THEM5: variants seen among roughly 807,000 people sequenced by gnomAD.
The protein encoded by THEM5 is acyl-coenzyme A thioesterase THEM5.
Under a neutral mutation model 24.2 loss-of-function variants are expected in THEM5, and 28 were observed. The observed-to-expected ratio is 1.16, with a 90% CI of 0.86 to 1.59. The LOEUF is 1.59. Ranked by LOEUF, THEM5 falls within the 40% of genes most tolerant of loss-of-function variation. The pLI, the probability that THEM5 is intolerant of heterozygous loss-of-function variation, is 0.00. For missense variants in THEM5, 260 were observed against 296.8 expected, an observed-to-expected ratio of 0.88 and a Z score of 0.91; for synonymous variants, 87 against 114.5, an observed-to-expected ratio of 0.76 and a Z score of 1.53.
chr1:151,847,994 T>C (rs1652994794), intron 4 of THEM5, 132 bp from the exon 5 acceptor site: 1 of 1,497,836 alleles, frequency 6.7e-7, no homozygotes, highest in South Asian at 1.3e-5. Flanking sequence ...GCTCAGGGCC[T>C]TTTTGTCAGC....
Position 151,848,192 on chromosome 1 carries a change from T to C in THEM5, c.565A>G (p.Arg189Gly), listed in dbSNP as rs2101697473. ...EGLFTLSLNIRFKNLIPVDSL... is the reference protein window; with the variant it reads ...EGLFTLSLNIGFKNLIPVDSL... ...GGGGCCCATACTTACTTTTTGAACC[T>C]GATGTTGAGACTTAGTGTGAACAGC... is the stretch of plus-strand genomic sequence containing the variant. Residue 189 changes from arginine to glycine, a missense_variant, in exon 4 of 6, where the codon AGG becomes GGG. Coordinates refer to ENST00000368817, the MANE Select transcript of THEM5 (RefSeq NM_182578.4). The C allele has an allele frequency of 1.2e-6, 2 of 1,614,186 alleles. No individual in the cohort carries two copies. Among genetic ancestry groups the C allele is most frequent in the South Asian group, 1.1e-5 (1 of 91,090 alleles).
Position 151,851,047 on chromosome 1 carries a change from C to T in THEM5, c.464+6G>A. 8 of 1,614,068 alleles carry T rather than the reference C, an allele frequency of 5.0e-6. No individual in the cohort carries two copies. The highest frequency in any genetic ancestry group is 6.8e-6 in the Non-Finnish European group (8 of 1,179,980). On this transcript the variant is annotated splice_donor_region_variant and intron_variant, in intron 3 of 5. Coordinates refer to ENST00000368817, the MANE Select transcript of THEM5 (RefSeq NM_182578.4). Reference sequence around the variant, plus strand: ...GAGGCAGCCAAGGTCCTACCAGTGACCTTACCCTGGGGGCCCCTCCAGGTA... The same window carrying T: ...GAGGCAGCCAAGGTCCTACCAGTGATCTTACCCTGGGGGCCCCTCCAGGTA...
chr1:151,848,832 C>T (rs766799453), intron 3 of THEM5, among the ~76,000 whole-genome samples: 7 of 152,236 alleles, frequency 4.6e-5, no homozygotes, highest in Non-Finnish European at 8.8e-5. Flanking sequence ...TTCTGAGCAG[C>T]GTTGCCACAG....
chr1:151,847,304 G>A lies in THEM5; in HGVS notation c.*67C>T, dbSNP rs1261448903. The A allele has an allele frequency of 9.3e-7, 1 of 1,076,628 alleles. No individual in the cohort carries two copies. The highest frequency in any genetic ancestry group is 1.2e-6 in the Non-Finnish European group (1 of 826,032). The allele number at this position is 1,076,628 out of a possible 1,614,324, so 66.7% of individuals were successfully genotyped here. On this transcript the variant is annotated 3_prime_UTR_variant, in exon 6 of 6. Transcript: ENST00000368817. ...CAGGGGAGGCAGGAGGCAGGAGGCAGGCAGGGGAGGCAGGAGGCAGGAGGC... is the reference window on the plus strand; with the variant it reads ...CAGGGGAGGCAGGAGGCAGGAGGCAAGCAGGGGAGGCAGGAGGCAGGAGGC...
At chr1:151,852,200 A>T in intron 2 of THEM5, 58 bp downstream of exon 2, 1 of 1,546,060 alleles carries the variant, frequency 6.5e-7, no homozygotes, top group Non-Finnish European at 8.9e-7. Flanking sequence ...GTTGCTTCTC[A>T]GTCTTAGAAC....
chr1:151,849,222 T>TAAA (rs202129122), intron 3 of THEM5, among the ~76,000 whole-genome samples: 2 of 128,902 alleles, frequency 1.6e-5, no homozygotes, highest in African/African-American at 5.8e-5. Flanking sequence ...GTCTCAAAAT[T>TAAA]AAAAAAAAAA....
chr1:151,852,533 C>T lies in THEM5; in HGVS notation c.124-74G>A, dbSNP rs374436567. ...GCTGCCTGGGCTCGGGACCTCTAAA[C>T]AGCTGTTCCTGGGTGCTGGGGCTTC... is the stretch of plus-strand genomic sequence containing the variant. On this transcript the variant is annotated intron_variant, in intron 1 of 5. Transcript: ENST00000368817. 6.3e-6 allele frequency: 9 copies of T among 1,426,060 alleles called. No individual in the cohort carries two copies. The East Asian group carries it at 9.1e-5, about 14-fold the overall frequency. 88.3% of individuals were successfully genotyped at this position (1,426,060 alleles called of 1,614,324 possible).
At chr1:151,853,140 A>G (rs1489298157) in intron 1 of THEM5, among the ~76,000 whole-genome samples, 1 of 152,232 alleles carries the variant, frequency 6.6e-6, no homozygotes, top group East Asian at 1.9e-4. Context: ...TGCCAATGCC[A>G]CAGATGGGGT....
intron 4 of THEM5, 117 bp from the exon 5 acceptor site, chr1:151,847,979 C>T (rs2101697204): frequency 2.6e-6 from 4 of 1,539,938 alleles, no homozygotes; most frequent in Non-Finnish European, 2.6e-6. Flanking sequence ...CAGAAGTGGC[C>T]CTGGGCTCAG....
Position 151,848,171 on chromosome 1 carries a change from C to A in THEM5, c.575+11G>T. 6.2e-7 allele frequency: 1 copy of A among 1,613,072 alleles called. No homozygotes were observed. Among genetic ancestry groups the A allele is most frequent in the East Asian group, 2.2e-5 (1 of 44,880 alleles). ...GTGACTTTGGCCAATGCCCCAGGGG[C>A]CCATACTTACTTTTTGAACCTGATG... On this transcript the variant is annotated intron_variant, in intron 4 of 5. Transcript: ENST00000368817.
At position 151,847,374 on chromosome 1, in the gene THEM5, C is replaced by T; in HGVS notation, c.741G>A (p.Gln247=). The change falls in exon 6 of 6, where the codon CAG becomes CAA. Residue 247 remains glutamine (Q), a synonymous_variant. Transcript: ENST00000368817. ...LQLQLEEESP[Q] ...TCTCCTGCAGGCACAGTGACTGTTACTGGGGAGACTCTTCTTCCAACTGCA... is the reference window on the plus strand; with the variant it reads ...TCTCCTGCAGGCACAGTGACTGTTATTGGGGAGACTCTTCTTCCAACTGCA... 6.2e-7 allele frequency: 1 copy of T among 1,613,824 alleles called. No individual in the cohort carries two copies. The highest frequency in any genetic ancestry group is 1.3e-5 in the African/African-American group (1 of 74,940).
chr1:151,853,669 G>A lies in THEM5; in HGVS notation c.-104C>T. On this transcript the variant is annotated 5_prime_UTR_variant, in exon 1 of 6. Transcript: ENST00000368817. ...GGCCGCTTCTCTCCCTTCTGTTGCA[G>A]GCTTTCTTTCAGAGAGCTAGGCGAG... 1.4e-6 allele frequency: 2 copies of A among 1,435,818 alleles called. No homozygotes were observed. Among genetic ancestry groups the A allele is most frequent in the Non-Finnish European group, 1.8e-6 (2 of 1,083,324 alleles). 88.9% of individuals were successfully genotyped at this position (1,435,818 alleles called of 1,614,324 possible). A position where few individuals can be genotyped will look rare whatever the true frequency, so the allele number is the denominator to read the frequency against.
chr1:151,847,902 C>G (rs781597319), intron 4 of THEM5, 40 bp from the exon 5 acceptor site: 1 of 1,611,942 alleles, frequency 6.2e-7, no homozygotes, highest in African/African-American at 1.3e-5. Context: ...TCATGTGAAC[C>G]CGGTTCCCCA....
At chr1:151,851,442 A>C (rs565996856) in intron 2 of THEM5, among the ~76,000 whole-genome samples, 50 of 152,380 alleles carry the variant, frequency 3.3e-4, no homozygotes, top group African/African-American at 1.1e-3. Flanking sequence ...GGCCAGGGCA[A>C]GACTTTAAGA....
intron 1 of THEM5, 25 bp downstream of exon 1, chr1:151,853,418 C>G (rs766035760): frequency 2.4e-5 from 39 of 1,606,950 alleles, no homozygotes; most frequent in Non-Finnish European, 2.3e-5. Flanking sequence ...AAAACACTGC[C>G]CATCTGGCTG....
In THEM5 at chr1:151,851,172, G is replaced by T; in HGVS notation, c.345C>A (p.Ile115=). The T allele has an allele frequency of 6.2e-7, 1 of 1,614,224 alleles. No homozygotes were observed. Among genetic ancestry groups the T allele is most frequent in the Non-Finnish European group, 8.5e-7 (1 of 1,180,036 alleles). ...AVSSDKGDCR[I]FTRCIQVEGQ... is the part of the protein sequence containing the mutation. ...CTTCCACTTGGATGCACCTGGTGAAGATGCGACAGTCACCTTTGTCTGGGG... is the reference window on the plus strand; with the variant it reads ...CTTCCACTTGGATGCACCTGGTGAATATGCGACAGTCACCTTTGTCTGGGG... Residue 115 remains isoleucine (I), a synonymous_variant, in exon 3 of 6, where the codon ATC becomes ATA. Transcript: ENST00000368817.
At chr1:151,849,210 C>T (rs1216093607) in intron 3 of THEM5, among the ~76,000 whole-genome samples, 2 of 148,598 alleles carry the variant, frequency 1.3e-5, no homozygotes, top group African/African-American at 5.0e-5. Flanking sequence ...CAGATCAAGA[C>T]TGTCTCAAAA....
chr1:151,847,656 T>G (rs902871454), intron 5 of THEM5, 82 bp downstream of exon 5: 2 of 1,502,912 alleles, frequency 1.3e-6, no homozygotes, highest in Middle Eastern at 4.9e-4. Context: ...GATGAATCAT[T>G]GGCATCTTTT....
intron 3 of THEM5, among the ~76,000 whole-genome samples, chr1:151,849,749 G>A (rs1321550537): frequency 6.6e-6 from 1 of 152,136 alleles, no homozygotes; most frequent in African/African-American, 2.4e-5. Context: ...GTCCTCACTG[G>A]CCAGCCTGGG....
Sources: allele counts gnomAD v4.1 joint callset (sites outside exome capture counted in the v4.1 genomes callset), GRCh38; gene constraint gnomAD v4.1.1; transcripts MANE v1.5; gene names NCBI Gene and HGNC (gene_info 2026-07-23, HGNC 2026-07-21).